ROBO1: variants seen among roughly 807,000 people sequenced by gnomAD.
The protein encoded by ROBO1 is roundabout homolog 1.
A neutral mutation model predicts 195.9 loss-of-function variants in ROBO1; 149 were observed. The observed-to-expected ratio is 0.76, with a 90% CI of 0.67 to 0.87. The LOEUF is 0.87. Among genes scored for constraint, ROBO1 ranks in the 40% least tolerant of loss-of-function variants. The pLI is 0.00. For missense variants in ROBO1, 1,933 were observed against 2,068.3 expected, an observed-to-expected ratio of 0.93 and a Z score of 1.27; for synonymous variants, 816 against 733.2, an observed-to-expected ratio of 1.11 and a Z score of -1.82.
intron 2 of ROBO1, among the ~76,000 whole-genome samples, chr3:79,214,282 A>C (rs987514553): frequency 2.0e-5 from 3 of 152,156 alleles, no homozygotes; most frequent in Non-Finnish European, 4.4e-5. Context: ...ACCGTAAATA[A>C]TAGTAATAAA....
intron 2 of ROBO1, among the ~76,000 whole-genome samples, chr3:79,494,575 T>C (rs1939630345): frequency 1.3e-5 from 2 of 151,800 alleles, no homozygotes; most frequent in Admixed American, 1.3e-4. Flanking sequence ...GAAATACACA[T>C]TAACAGATTC....
At chr3:79,493,245 A>C (rs566433927) in intron 2 of ROBO1, among the ~76,000 whole-genome samples, 82 of 152,132 alleles carry the variant, frequency 5.4e-4, no homozygotes, top group South Asian at 4.1e-4. Context: ...CTAAATTTTA[A>C]AAATGCCCTT....
At chr3:79,552,698 G>T (rs973814611) in intron 2 of ROBO1, among the ~76,000 whole-genome samples, 1 of 152,060 alleles carries the variant, frequency 6.6e-6, no homozygotes, top group African/African-American at 2.4e-5. Context: ...GCCTGGCATT[G>T]GCAGATAGAT....
intron 2 of ROBO1, among the ~76,000 whole-genome samples, chr3:79,374,717 T>C (rs1407806528): frequency 6.6e-6 from 1 of 152,206 alleles, no homozygotes; most frequent in East Asian, 1.9e-4. Flanking sequence ...CAGTACTTAG[T>C]CTTTTGTAGA....
intron 3 of ROBO1, among the ~76,000 whole-genome samples, chr3:79,073,018 T>C (rs758818273): frequency 3.9e-5 from 6 of 152,000 alleles, no homozygotes; most frequent in African/African-American, 9.7e-5. Flanking sequence ...ACTGATTAGA[T>C]AATTGCATAT....
chr3:78,809,311 AATG>A lies in ROBO1; in HGVS notation c.500-62414_500-62412del, dbSNP rs1403712863. Among the ~76,000 whole-genome samples, 14 of 152,348 alleles carry A rather than the reference AATG, an allele frequency of 9.2e-5. 1 individual carries two copies. Among genetic ancestry groups the A allele is most frequent in the African/African-American group, 2.9e-4 (12 of 41,586 alleles). ...TATGAGATGCCATCACATCAGTTAG[AATG>A]ATGATCATTAAAATGTCAGGAAACA... On this transcript the variant is annotated intron_variant, in intron 4 of 30. Coordinates refer to ENST00000464233, the MANE Select transcript of ROBO1 (RefSeq NM_002941.4).
chr3:79,115,404 G>C (rs1294332017), intron 3 of ROBO1, among the ~76,000 whole-genome samples: 1 of 152,058 alleles, frequency 6.6e-6, no homozygotes. Flanking sequence ...TCACTGTCCT[G>C]GTGAACACTT....
chr3:79,308,679 C>T (rs1320146340), intron 2 of ROBO1, among the ~76,000 whole-genome samples: 1 of 152,142 alleles, frequency 6.6e-6, no homozygotes, highest in Non-Finnish European at 1.5e-5. Context: ...TGAAAGGAAA[C>T]TGAAATGCAG....
chr3:79,565,308 G>T (rs758881033), intron 2 of ROBO1, among the ~76,000 whole-genome samples: 1 of 151,090 alleles, frequency 6.6e-6, no homozygotes, highest in Non-Finnish European at 1.5e-5. Context: ...TGTGACCTTG[G>T]CAAGGGACAC....
chr3:79,417,398 A>G (rs2038049663), intron 2 of ROBO1, among the ~76,000 whole-genome samples: 2 of 152,112 alleles, frequency 1.3e-5, no homozygotes, highest in East Asian at 1.9e-4. Flanking sequence ...TAAAATGACT[A>G]CAGACCTGGC....
intron 2 of ROBO1, among the ~76,000 whole-genome samples, chr3:79,483,474 A>G (rs1228880889): frequency 6.6e-6 from 1 of 152,150 alleles, no homozygotes; most frequent in Non-Finnish European, 1.5e-5. Context: ...TGCCAAGGAT[A>G]TATTCTGAGA....
At chr3:79,737,774 G>A (rs1160163140) in intron 1 of ROBO1, among the ~76,000 whole-genome samples, 1 of 152,192 alleles carries the variant, frequency 6.6e-6, no homozygotes, top group African/African-American at 2.4e-5. Flanking sequence ...TGACAAGGCT[G>A]TCAGTGCTTT....
intron 2 of ROBO1, among the ~76,000 whole-genome samples, chr3:79,537,449 C>G (rs1011348425): frequency 1.3e-5 from 2 of 152,108 alleles, no homozygotes; most frequent in African/African-American, 4.8e-5. Context: ...GACAAAGATT[C>G]TATGGAATTT....
At chr3:79,368,515 G>T (rs746059066) in intron 2 of ROBO1, among the ~76,000 whole-genome samples, 2 of 151,998 alleles carry the variant, frequency 1.3e-5, no homozygotes, top group African/African-American at 2.4e-5. Context: ...GGAGCTCAGA[G>T]CTCCCAGCTC....
At chr3:79,654,940 A>T (rs4856420) in intron 1 of ROBO1, among the ~76,000 whole-genome samples, 1 of 151,850 alleles carries the variant, frequency 6.6e-6, no homozygotes, top group African/African-American at 2.4e-5. Flanking sequence ...GCAGTGCCTT[A>T]ATTTTTTCCC....
chr3:79,097,447 T>C (rs1290422283), intron 3 of ROBO1, among the ~76,000 whole-genome samples: 1 of 151,808 alleles, frequency 6.6e-6, no homozygotes, highest in African/African-American at 2.4e-5. Context: ...CATGTGTTCA[T>C]TGAAAACAAA....
At chr3:79,251,282 G>C (rs1378563713) in intron 2 of ROBO1, among the ~76,000 whole-genome samples, 2 of 152,046 alleles carry the variant, frequency 1.3e-5, no homozygotes, top group Middle Eastern at 3.2e-3. Flanking sequence ...GCAAGCAAGT[G>C]GGCAAATATT....
intron 17 of ROBO1, among the ~76,000 whole-genome samples, chr3:78,659,251 G>A (rs1346956315): frequency 6.6e-6 from 1 of 152,076 alleles, no homozygotes; most frequent in Non-Finnish European, 1.5e-5. Flanking sequence ...ACTTATGGCA[G>A]TCTTTTAAAT....
At chr3:79,470,231 T>TA (rs1438846034) in intron 2 of ROBO1, among the ~76,000 whole-genome samples, 3 of 152,046 alleles carry the variant, frequency 2.0e-5, no homozygotes, top group Non-Finnish European at 2.9e-5. Context: ...TATGCAGCCA[T>TA]AAAAAATGAT....
Sources: allele counts gnomAD v4.1 joint callset (sites outside exome capture counted in the v4.1 genomes callset), GRCh38; gene constraint gnomAD v4.1.1; transcripts MANE v1.5; gene names NCBI Gene and HGNC (gene_info 2026-07-23, HGNC 2026-07-21).